PCDHGA10: variants seen among roughly 807,000 people sequenced by gnomAD.
PCDHGA10 encodes protocadherin gamma subfamily A, 10.
A neutral mutation model predicts 59.5 loss-of-function variants in PCDHGA10; 42 were observed. The observed-to-expected ratio is 0.71, with a 90% CI of 0.55 to 0.91. PCDHGA10 has a LOEUF of 0.91. Ranked by LOEUF, PCDHGA10 falls within the 40% of genes least tolerant of loss-of-function variation. The probability of loss-of-function intolerance (pLI) is 0.00; values close to 1 mark genes in which losing one functional copy is unlikely to be tolerated. For missense variants in PCDHGA10, 1,111 were observed against 1,198.2 expected (o/e 0.93, Z 1.07); for synonymous variants, 511 against 517.2 (o/e 0.99, Z 0.16).
At chr5:141,436,300 G>A (rs966232889) in intron 1 of PCDHGA10, among the ~76,000 whole-genome samples, 1 of 152,180 alleles carries the variant, frequency 6.6e-6, no homozygotes, top group African/African-American at 2.4e-5. Flanking sequence ...TTGAGAGTTA[G>A]AGCATGAATA....
chr5:141,422,777 C>CCCTACAAT, intron 1 of PCDHGA10: 2 of 1,613,982 alleles, frequency 1.2e-6, no homozygotes, highest in Non-Finnish European at 1.7e-6. Context: ...GTTCTCTATG[C>CCCTACAAT]CCTACAATCC....
At chr5:141,506,910 G>C (rs1165112258) in intron 3 of PCDHGA10, among the ~76,000 whole-genome samples, 1 of 152,082 alleles carries the variant, frequency 6.6e-6, no homozygotes, top group Admixed American at 6.5e-5. Context: ...ATCACACCTG[G>C]GCACATACTA....
chr5:141,425,587 T>G (rs2096884432), intron 1 of PCDHGA10, among the ~76,000 whole-genome samples: 2 of 152,226 alleles, frequency 1.3e-5, no homozygotes. Flanking sequence ...CTAACTTTAT[T>G]CTGAATATGC....
At chr5:141,507,531 C>T (rs1467914007) in intron 3 of PCDHGA10, among the ~76,000 whole-genome samples, 3 of 151,964 alleles carry the variant, frequency 2.0e-5, no homozygotes, top group African/African-American at 7.2e-5. Flanking sequence ...CCAGAGAGGC[C>T]AGAGACTGAG....
chr5:141,504,583 A>C (rs1230825472), intron 2 of PCDHGA10, among the ~76,000 whole-genome samples: 5 of 146,622 alleles, frequency 3.4e-5, no homozygotes, highest in Non-Finnish European at 7.4e-5. Context: ...CCATCTGCCC[A>C]GGATTCACAG....
chr5:141,432,642 C>T lies in PCDHGA10; in HGVS notation c.2436+17031C>T, dbSNP rs746251093. 7.4e-6 allele frequency: 12 copies of T among 1,613,784 alleles called. No individual in the cohort carries two copies. The highest frequency in any genetic ancestry group is 2.7e-5 in the African/African-American group (2 of 75,056). ...GGTCTGCACACGGGCGAGGTGCGCA[C>T]GGCGCGAGCCCTGCTGGACAGAGAC... On this transcript the variant is annotated intron_variant, in intron 1 of 3. Coordinates refer to ENST00000398610, the MANE Select transcript of PCDHGA10 (RefSeq NM_018913.3). This position sits in a 1 kb window ranked among gnomAD's most constrained non-coding sequence, Gnocchi z 6.0.
At chr5:141,416,210 A>G (rs1264276644) in intron 1 of PCDHGA10, 2 of 152,420 alleles carry the variant, frequency 1.3e-5, no homozygotes, top group African/African-American at 4.8e-5. Flanking sequence ...TATTTATAAC[A>G]ATGTATGCTT....
At chr5:141,496,734 G>A (rs527288196) in intron 2 of PCDHGA10, among the ~76,000 whole-genome samples, 4 of 152,066 alleles carry the variant, frequency 2.6e-5, no homozygotes, top group Non-Finnish European at 4.4e-5. Flanking sequence ...GTATTCATTC[G>A]TTCATTTATT....
At chr5:141,415,753 T>TG in intron 1 of PCDHGA10, 142 bp downstream of exon 1, 2 of 1,381,386 alleles carry the variant, frequency 1.4e-6, no homozygotes, top group Non-Finnish European at 1.9e-6. Context: ...TTTTTTTTTT[T>TG]TTTTTTTTTT....
intron 1 of PCDHGA10, chr5:141,471,509 TA>T (rs1211467109): frequency 6.6e-6 from 1 of 152,008 alleles, no homozygotes; most frequent in Non-Finnish European, 1.5e-5. Context: ...AGAGAGGGAG[TA>T]AAAATAACAG....
At chr5:141,478,904 T>G in intron 1 of PCDHGA10, 1 of 958,800 alleles carries the variant, frequency 1.0e-6, no homozygotes, top group Non-Finnish European at 1.5e-6. Context: ...AGGAATAAGC[T>G]GCTGGATACC....
rs1226463441 is a variant in PCDHGA10, at chr5:141,432,906, T to A, written c.2436+17295T>A. 6.2e-7 allele frequency: 1 copy of A among 1,614,176 alleles called. No individual in the cohort carries two copies. The highest frequency in any genetic ancestry group is 8.5e-7 in the Non-Finnish European group (1 of 1,180,002). ...GTCATCTTGCTGCTGGCGCTCAGGC[T>A]GCGGCGCTGGCACAAGTCACGCCTG... On this transcript the variant is annotated intron_variant, in intron 1 of 3. Coordinates refer to ENST00000398610, the MANE Select transcript of PCDHGA10 (RefSeq NM_018913.3). The surrounding 1 kb of genome is among the most constrained non-coding windows in gnomAD (Gnocchi z 6.0).
At chr5:141,418,147 C>T (rs781655205) in intron 1 of PCDHGA10, 3 of 1,614,040 alleles carry the variant, frequency 1.9e-6, no homozygotes, top group Admixed American at 3.3e-5. Flanking sequence ...AGCAAATATG[C>T]AAAGAGAGAA....
In PCDHGA10 at chr5:141,485,222, C is replaced by A; in HGVS notation, c.2437-9585C>A. The A allele has an allele frequency of 6.2e-7, 1 of 1,614,196 alleles. No homozygotes were observed. The highest frequency in any genetic ancestry group is 8.5e-7 in the Non-Finnish European group (1 of 1,180,020). On this transcript the variant is annotated intron_variant, in intron 1 of 3. Transcript: ENST00000398610. This position sits in a 1 kb window ranked among gnomAD's most constrained non-coding sequence, Gnocchi z 5.7. ...GACAGAAATCTGGCGGTGGGCTACC[C>A]TTTTGTTCCTCTTTTACCACCTGGG...
At chr5:141,416,687 A>G (rs1283053610) in intron 1 of PCDHGA10, 1 of 152,270 alleles carries the variant, frequency 6.6e-6, no homozygotes, top group Non-Finnish European at 1.5e-5. Flanking sequence ...GGGAAATTAT[A>G]TAAACAAAGG....
At chr5:141,466,348 G>A (rs2099120992) in intron 1 of PCDHGA10, among the ~76,000 whole-genome samples, 2 of 151,876 alleles carry the variant, frequency 1.3e-5, no homozygotes, top group Admixed American at 6.6e-5. Context: ...TTTTTTTGCA[G>A]CTAATCTAGA....
chr5:141,428,131 G>T, intron 1 of PCDHGA10: 1 of 1,602,720 alleles, frequency 6.2e-7, no homozygotes, highest in Non-Finnish European at 8.5e-7. Flanking sequence ...GGGCTTTTCA[G>T]CCTGGGGCTG....
intron 1 of PCDHGA10, chr5:141,415,909 C>T: frequency 2.6e-6 from 2 of 761,032 alleles, no homozygotes; most frequent in Non-Finnish European, 3.7e-6. Context: ...GACTTCCATA[C>T]AGAAGTGCCT....
intron 2 of PCDHGA10, among the ~76,000 whole-genome samples, chr5:141,504,078 CCAAA>C (rs1272625151): frequency 6.6e-6 from 1 of 152,078 alleles, no homozygotes; most frequent in South Asian, 2.1e-4. Context: ...CCAGATGGTG[CCAAA>C]CAGTTACCTA....
Sources: allele counts gnomAD v4.1 joint callset (sites outside exome capture counted in the v4.1 genomes callset), GRCh38; gene constraint gnomAD v4.1.1; non-coding constraint Gnocchi (gnomAD v3.1); transcripts MANE v1.5; gene names NCBI Gene and HGNC (gene_info 2026-07-23, HGNC 2026-07-21).